SKA2: variants seen among roughly 807,000 people sequenced by gnomAD.
SKA2 encodes the protein spindle and kinetochore-associated protein 2.
In SKA2, 13 loss-of-function variants were observed where a neutral mutation model predicts 16.9. The ratio of observed to expected loss-of-function variants is 0.77; its 90% CI spans 0.50 to 1.22. The LOEUF is 1.22. Among genes scored for constraint, SKA2 ranks in the 50% most tolerant of loss-of-function variants. The probability of loss-of-function intolerance (pLI) is 0.00; values close to 1 mark genes in which losing one functional copy is unlikely to be tolerated. For synonymous variants in SKA2, 47 were observed against 48.5 expected, an observed-to-expected ratio of 0.97 and a Z score of 0.13; for missense variants, 107 against 139.7, an observed-to-expected ratio of 0.77 and a Z score of 1.18.
chr17:59,140,779 T>A (rs1318032385), intron 1 of SKA2, among the ~76,000 whole-genome samples: 11 of 119,520 alleles, frequency 9.2e-5, no homozygotes, highest in Non-Finnish European at 1.9e-4. Flanking sequence ...CCCGCCTAAT[T>A]TTTTTTTTTT....
chr17:59,146,362 G>C (rs2046532239), intron 1 of SKA2, among the ~76,000 whole-genome samples: 4 of 152,148 alleles, frequency 2.6e-5, no homozygotes, highest in Admixed American at 2.6e-4. Flanking sequence ...AGCTGGGCAT[G>C]GCGATGCACG....
At chr17:59,112,953 G>A (rs947372557) in intron 3 of SKA2, among the ~76,000 whole-genome samples, 12 of 151,756 alleles carry the variant, frequency 7.9e-5, no homozygotes, top group Admixed American at 4.6e-4. Context: ...TCACTCTGTC[G>A]CCCAGGCTGG....
At chr17:59,129,915 G>A (rs186257334) in intron 2 of SKA2, among the ~76,000 whole-genome samples, 146 of 135,936 alleles carry the variant, frequency 1.1e-3, no homozygotes, top group South Asian at 6.3e-3. Context: ...GAGGGAGGGA[G>A]GGAGGGAAGG....
intron 3 of SKA2, among the ~76,000 whole-genome samples, chr17:59,115,402 A>G (rs1179853406): frequency 2.6e-5 from 4 of 152,138 alleles, no homozygotes; most frequent in African/African-American, 9.7e-5. Flanking sequence ...TAAATAGGAC[A>G]GCCCAAATCT....
Position 59,111,187 on chromosome 17 carries a change from C to G in SKA2, c.*1090G>C, listed in dbSNP as rs542668501. ...GCTACTTACATCTCAGATATGACTC[C>G]AAAGCCCAATCTTCACTACAAAACT... is the stretch of plus-strand genomic sequence containing the variant. On this transcript the variant is annotated 3_prime_UTR_variant, in exon 4 of 4. Coordinates refer to ENST00000330137, the MANE Select transcript of SKA2 (RefSeq NM_182620.4). The G allele has an allele frequency of 2.0e-5, 3 of 152,252 alleles. No homozygotes were observed. Among genetic ancestry groups the G allele is most frequent in the Admixed American group, 2.0e-4 (3 of 15,260 alleles). 9.4% of individuals were successfully genotyped at this position (152,252 alleles called of 1,614,324 possible).
At chr17:59,137,492 C>T (rs1051269093) in intron 1 of SKA2, among the ~76,000 whole-genome samples, 3 of 152,038 alleles carry the variant, frequency 2.0e-5, no homozygotes, top group African/African-American at 7.2e-5. Context: ...TATCACTAAC[C>T]AGCTATGTGT....
Position 59,131,285 on chromosome 17 carries a change from C to T in SKA2, c.116G>A (p.Ser39Asn), listed in dbSNP as rs777599766. 9.5e-6 allele frequency: 15 copies of T among 1,574,740 alleles called. No individual in the cohort carries two copies. Among genetic ancestry groups the T allele is most frequent in the Non-Finnish European group, 1.3e-5 (15 of 1,157,764 alleles). Residue 39 changes from serine to asparagine, a missense_variant, in exon 2 of 4, where the codon AGT becomes AAT. Physicochemically the swap from Ser to Asn is conservative, Grantham distance 46. Coordinates refer to ENST00000330137, the MANE Select transcript of SKA2 (RefSeq NM_182620.4). ...EIKTNHPDSASEKNPVTLLKE... is the reference protein window; with the variant it reads ...EIKTNHPDSANEKNPVTLLKE... ...CTTATTTATTTCGGAGATTACCTCA[C>T]TTGCTGAATCAGGATGATTAGTCTT...
At chr17:59,150,951 G>A (rs1050813936) in intron 1 of SKA2, among the ~76,000 whole-genome samples, 4 of 151,584 alleles carry the variant, frequency 2.6e-5, no homozygotes, top group African/African-American at 9.7e-5. Flanking sequence ...TTCTCCAGAC[G>A]TGTTTCATAA....
At chr17:59,143,895 T>C (rs1451359887) in intron 1 of SKA2, among the ~76,000 whole-genome samples, 1 of 152,202 alleles carries the variant, frequency 6.6e-6, no homozygotes, top group African/African-American at 2.4e-5. Flanking sequence ...CAGTGGCTCA[T>C]GCCTGTAATC....
chr17:59,118,985 T>C (rs1207638146), intron 3 of SKA2, among the ~76,000 whole-genome samples: 1 of 152,198 alleles, frequency 6.6e-6, no homozygotes, highest in Non-Finnish European at 1.5e-5. Flanking sequence ...AGCTCCTTGA[T>C]ACAGCACTCT....
Position 59,112,159 on chromosome 17 carries a change from G to T in SKA2, c.*118C>A. ...AAGATATCATTATCCAGTCATTGAA[G>T]CCAAACCCCCTTCACCAGCCCCCAA... On this transcript the variant is annotated 3_prime_UTR_variant, in exon 4 of 4. Transcript: ENST00000330137. 1.4e-6 allele frequency: 1 copy of T among 734,174 alleles called. No homozygotes were observed. Among genetic ancestry groups the T allele is most frequent in the Non-Finnish European group, 2.3e-6 (1 of 434,636 alleles). The allele number at this position is 734,174 out of a possible 1,614,324, so 45.5% of individuals were successfully genotyped here. A position where few individuals can be genotyped will look rare whatever the true frequency, so the allele number is the denominator to read the frequency against.
intron 1 of SKA2, among the ~76,000 whole-genome samples, chr17:59,141,195 G>C (rs983447979): frequency 3.0e-4 from 46 of 151,726 alleles, no homozygotes; most frequent in African/African-American, 1.1e-3. Context: ...TCAAGAGATT[G>C]AGACTATCCT....
At chr17:59,129,661 C>G (rs1238431629) in intron 2 of SKA2, among the ~76,000 whole-genome samples, 1 of 151,770 alleles carries the variant, frequency 6.6e-6, no homozygotes, top group South Asian at 2.1e-4. Context: ...AGTTTGAGAC[C>G]AGCCTAACAT....
intron 1 of SKA2, among the ~76,000 whole-genome samples, chr17:59,140,772 G>A (rs527785754): frequency 9.9e-5 from 13 of 131,690 alleles, no homozygotes; most frequent in South Asian, 2.5e-4. Flanking sequence ...CACCACACCC[G>A]CCTAATTTTT....
At chr17:59,151,355 A>C (rs1484902636) in intron 1 of SKA2, 1 of 404,702 alleles carries the variant, frequency 2.5e-6, no homozygotes, top group Admixed American at 4.0e-5. Context: ...TGTTTTTTTA[A>C]AAAAGGATAA....
chr17:59,135,076 C>T (rs1354656134), intron 1 of SKA2, among the ~76,000 whole-genome samples: 1 of 151,950 alleles, frequency 6.6e-6, no homozygotes, highest in Non-Finnish European at 1.5e-5. Flanking sequence ...CTCAAGTGAT[C>T]GGCCTGCCTC....
chr17:59,136,575 A>G (rs2046446818), intron 1 of SKA2, among the ~76,000 whole-genome samples: 1 of 147,692 alleles, frequency 6.8e-6, no homozygotes, highest in Non-Finnish European at 1.5e-5. Context: ...TTTGAGACGG[A>G]GTCTCACTCT....
intron 1 of SKA2, chr17:59,154,921 T>G (rs781690084): frequency 1.9e-6 from 3 of 1,608,222 alleles, no homozygotes; most frequent in South Asian, 1.1e-5. Flanking sequence ...TCTCCCGCCA[T>G]TTCCCTGACG....
In SKA2 at chr17:59,109,965, T is replaced by C. The variant is rs1203748400; in HGVS notation, c.*2312A>G. On this transcript the variant is annotated 3_prime_UTR_variant, in exon 4 of 4. Transcript: ENST00000330137. ...TACTATGACCATTTTAGAAAGAGGATTGTAGGTTTTATTGACTAAGAAGAT... is the reference window on the plus strand; with the variant it reads ...TACTATGACCATTTTAGAAAGAGGACTGTAGGTTTTATTGACTAAGAAGAT... 1.3e-5 allele frequency: 2 copies of C among 152,156 alleles called. No individual in the cohort carries two copies. Among genetic ancestry groups the C allele is most frequent in the Non-Finnish European group, 2.9e-5 (2 of 68,022 alleles). 9.4% of individuals were successfully genotyped at this position (152,156 alleles called of 1,614,324 possible).
Sources: allele counts gnomAD v4.1 joint callset (sites outside exome capture counted in the v4.1 genomes callset), GRCh38; gene constraint gnomAD v4.1.1; transcripts MANE v1.5; gene names NCBI Gene and HGNC (gene_info 2026-07-23, HGNC 2026-07-21).